The following YTHDF2 variants were observed in gnomAD, a reference collection of about 807,000 sequenced individuals.
YTHDF2 encodes the protein YTH domain-containing family protein 2.
A neutral mutation model predicts 50.4 loss-of-function variants in YTHDF2; 2 were observed. The observed-to-expected ratio is 0.04, with a 90% CI of 0.02 to 0.12. The LOEUF (loss-of-function observed/expected upper bound fraction) is 0.12, where lower values mean the gene tolerates loss of function less well. Among genes scored for constraint, YTHDF2 ranks in the 10% least tolerant of loss-of-function variants. The pLI is 1.00. For synonymous variants in YTHDF2, 217 were observed against 255.6 expected, an observed-to-expected ratio of 0.85 and a Z score of 1.44; for missense variants, 483 against 722.6, an observed-to-expected ratio of 0.67 and a Z score of 3.80.
chr1:28,756,551 G>A (rs1009592769), intron 4 of YTHDF2, among the ~76,000 whole-genome samples: 2 of 152,076 alleles, frequency 1.3e-5, no homozygotes, highest in South Asian at 2.1e-4. Context: ...GATACCTGAA[G>A]CATCTCTCCT....
intron 3 of YTHDF2, among the ~76,000 whole-genome samples, chr1:28,741,048 C>T (rs1169596048): frequency 6.7e-6 from 1 of 150,054 alleles, no homozygotes; most frequent in South Asian, 2.1e-4. Flanking sequence ...GCCCAGGCTG[C>T]AGTGCAGTGG....
Position 28,743,146 on chromosome 1 carries a change from G to A in YTHDF2, c.876G>A (p.Leu292=). ...TTGCAAAAGCCCCCTCACAGGCTTT[G>A]GTTCAGAATATAGGTCAGCCAACCC... ...GPVAKAPSQA[L]VQNIGQPTQG... Residue 292 remains leucine, a synonymous_variant, in exon 4 of 5, where the codon TTG becomes TTA. Coordinates refer to ENST00000373812, the MANE Select transcript of YTHDF2 (RefSeq NM_016258.3). The surrounding 1 kb of genome is among the most constrained non-coding windows in gnomAD (Gnocchi z 6.9). The A allele has an allele frequency of 6.2e-7, 1 of 1,614,160 alleles. No individual in the cohort carries two copies. Among genetic ancestry groups the A allele is most frequent in the Non-Finnish European group, 8.5e-7 (1 of 1,180,032 alleles).
At chr1:28,768,024 A>G (rs1425482553) in intron 4 of YTHDF2, among the ~76,000 whole-genome samples, 1 of 146,676 alleles carries the variant, frequency 6.8e-6, no homozygotes, top group East Asian at 2.2e-4. Flanking sequence ...AACATGGTGA[A>G]ACCCCGTCTC....
intron 4 of YTHDF2, among the ~76,000 whole-genome samples, chr1:28,757,153 A>G (rs181024544): frequency 1.5e-3 from 228 of 152,344 alleles, no homozygotes; most frequent in African/African-American, 5.1e-3. Context: ...ATTTAACTCC[A>G]GTTAGCCATT....
chr1:28,746,593 CAAAA>C (rs35500198), intron 4 of YTHDF2, among the ~76,000 whole-genome samples: 1 of 132,470 alleles, frequency 7.5e-6, no homozygotes, highest in Admixed American at 7.5e-5. Context: ...AAAAATACTA[CAAAA>C]AAAAAAAAAA....
chr1:28,754,988 G>A (rs2088015102), intron 4 of YTHDF2, among the ~76,000 whole-genome samples: 1 of 151,484 alleles, frequency 6.6e-6, no homozygotes, highest in Admixed American at 6.6e-5. Flanking sequence ...AAAAAAAGGG[G>A]TGGGAGATGG....
At position 28,742,501 on chromosome 1, in the gene YTHDF2, G is replaced by A. The variant is rs11553689; in HGVS notation, c.231G>A (p.Thr77=). Residue 77 remains threonine, a synonymous_variant, in exon 4 of 5, where the codon ACG becomes ACA. Coordinates refer to ENST00000373812, the MANE Select transcript of YTHDF2 (RefSeq NM_016258.3). The part of the protein sequence containing the change: ...SYSLGEAAWS[T]GGDTAMPYLT... The stretch of plus-strand genomic sequence containing the variant: ...CTTTGGGTGAAGCTGCTTGGTCTAC[G>A]GGGGGTGACACAGCCATGCCCTACT... 2.5e-6 allele frequency: 4 copies of A among 1,613,808 alleles called. No homozygotes were observed. The highest frequency in any genetic ancestry group is 2.2e-5 in the East Asian group (1 of 44,880).
chr1:28,762,911 C>T (rs1257519064), intron 4 of YTHDF2, among the ~76,000 whole-genome samples: 1 of 152,098 alleles, frequency 6.6e-6, no homozygotes. Context: ...GATCTTGGCT[C>T]ACCCGGGTTC....
At chr1:28,762,827 A>G (rs182851159) in intron 4 of YTHDF2, among the ~76,000 whole-genome samples, 91 of 151,976 alleles carry the variant, frequency 6.0e-4, no homozygotes, top group African/African-American at 2.1e-3. Flanking sequence ...TTTCTATTTT[A>G]TTTTATTTTA....
At chr1:28,756,746 G>A (rs1187007284) in intron 4 of YTHDF2, among the ~76,000 whole-genome samples, 1 of 152,148 alleles carries the variant, frequency 6.6e-6, no homozygotes, top group Non-Finnish European at 1.5e-5. Context: ...ATGAGGAAGA[G>A]TTACCCAGGA....
In YTHDF2 at chr1:28,743,108, A is replaced by G; in HGVS notation, c.838A>G (p.Asn280Asp). ...KHNMDIGTWD[N>D]KGPVAKAPSQ... The stretch of plus-strand genomic sequence containing the variant: ...TAACATGGATATTGGAACTTGGGAT[A>G]ACAAGGGTCCCGTTGCAAAAGCCCC... The change falls in exon 4 of 5, where the codon AAC (asparagine) becomes GAC (aspartate). Residue 280 changes from asparagine to aspartate, a missense_variant. By Grantham distance (23) the Asn-to-Asp change is conservative. Transcript: ENST00000373812. The surrounding 1 kb of genome is among the most constrained non-coding windows in gnomAD (Gnocchi z 6.9). 6.2e-7 allele frequency: 1 copy of G among 1,614,206 alleles called. No individual in the cohort carries two copies. The highest frequency in any genetic ancestry group is 8.5e-7 in the Non-Finnish European group (1 of 1,180,030).
chr1:28,757,963 A>G (rs992545702), intron 4 of YTHDF2, among the ~76,000 whole-genome samples: 13 of 152,104 alleles, frequency 8.5e-5, no homozygotes, highest in African/African-American at 3.1e-4. Flanking sequence ...TAATCCTGTA[A>G]AAGAGTGAAG....
At position 28,742,842 on chromosome 1, in the gene YTHDF2, C is replaced by T; in HGVS notation, c.572C>T (p.Ala191Val). 1.2e-6 allele frequency: 2 copies of T among 1,614,160 alleles called. No individual in the cohort carries two copies. ...GMNTIDQGMA[A>V]LKLGSTEVAS... ...AATACTATAGACCAAGGGATGGCAG[C>T]ACTGAAGTTGGGTAGCACAGAAGTT... Residue 191 changes from alanine to valine, a missense_variant, in exon 4 of 5, where the codon GCA becomes GTA. Ala to Val is a moderately conservative substitution (Grantham distance 64). Transcript: ENST00000373812.
chr1:28,743,642 C>T lies in YTHDF2; in HGVS notation c.1372C>T (p.Leu458Phe). The change falls in exon 4 of 5, where the codon CTT becomes TTT. Residue 458 changes from leucine to phenylalanine, a missense_variant. Leu to Phe is a conservative substitution (Grantham distance 22). Coordinates refer to ENST00000373812, the MANE Select transcript of YTHDF2 (RefSeq NM_016258.3). The surrounding 1 kb of genome is among the most constrained non-coding windows in gnomAD (Gnocchi z 6.9). ...GAACGGGAAAGGCCCCGTTTACTTA[C>T]TTTTCAGTGTCAACGGCAGTGGACA... ...SMNGKGPVYLLFSVNGSGHFC... is the reference protein window; with the variant it reads ...SMNGKGPVYLFFSVNGSGHFC... 1.2e-6 allele frequency: 2 copies of T among 1,614,204 alleles called. No individual in the cohort carries two copies. Among genetic ancestry groups the T allele is most frequent in the Non-Finnish European group, 1.7e-6 (2 of 1,180,036 alleles).
chr1:28,739,611 A>AT (rs1482679025), intron 3 of YTHDF2, among the ~76,000 whole-genome samples: 1 of 152,068 alleles, frequency 6.6e-6, no homozygotes, highest in Non-Finnish European at 1.5e-5. Flanking sequence ...GAGTCAGGAA[A>AT]TTTTTGAGTT....
At chr1:28,766,291 TTGTAA>T (rs1353006110) in intron 4 of YTHDF2, among the ~76,000 whole-genome samples, 32 of 152,202 alleles carry the variant, frequency 2.1e-4, no homozygotes, top group Middle Eastern at 6.8e-3. Flanking sequence ...ATGTATGTAT[TTGTAA>T]TGTAAGACAA....
chr1:28,762,599 G>C (rs896599877), intron 4 of YTHDF2, among the ~76,000 whole-genome samples: 1 of 152,156 alleles, frequency 6.6e-6, no homozygotes, highest in South Asian at 2.1e-4. Flanking sequence ...AGGTGAATAT[G>C]AATATGCCTC....
chr1:28,751,043 A>G (rs2087944286), intron 4 of YTHDF2, among the ~76,000 whole-genome samples: 1 of 139,080 alleles, frequency 7.2e-6, no homozygotes, highest in South Asian at 2.3e-4. Context: ...CTGTGAGCTG[A>G]GATTGTGCCA....
intron 3 of YTHDF2, among the ~76,000 whole-genome samples, chr1:28,741,158 T>C (rs1177721032): frequency 1.3e-5 from 2 of 152,098 alleles, no homozygotes; most frequent in Non-Finnish European, 2.9e-5. Context: ...CCACCACGCC[T>C]GGCTAATTTT....
Sources: gnomAD v4.1 joint callset for allele counts (sites outside exome capture counted in the v4.1 genomes callset) on GRCh38, gnomAD v4.1.1 for gene constraint, Gnocchi (gnomAD v3.1) non-coding constraint, MANE v1.5 for transcripts, NCBI Gene and HGNC (gene_info 2026-07-23, HGNC 2026-07-21) for gene names.